Variants in RPTOR observed in about 807,000 individuals in gnomAD.
The protein encoded by RPTOR is regulatory associated protein of MTOR complex 1.
RPTOR carries 21 observed loss-of-function variants against 169.9 expected under a neutral mutation model. The ratio of observed to expected loss-of-function variants is 0.12; its 90% CI spans 0.09 to 0.18. RPTOR has a LOEUF of 0.18. RPTOR is among the 10% of genes least tolerant of loss of function. The probability of loss-of-function intolerance (pLI) is 1.00; values close to 1 mark genes in which losing one functional copy is unlikely to be tolerated. For missense variants in RPTOR, 1,133 were observed against 1,855.9 expected (o/e 0.61, Z 7.16); for synonymous variants, 732 against 753.2 (o/e 0.97, Z 0.46).
chr17:80,678,844 C>G (rs1435021609), intron 3 of RPTOR, among the ~76,000 whole-genome samples: 1 of 152,210 alleles, frequency 6.6e-6, no homozygotes. Flanking sequence ...TTGGGGCCCT[C>G]CAGAGATGCT....
rs1045594 is a variant in RPTOR at position 80,965,547 on chromosome 17, C to T, written c.*1217C>T. ...TTTTGAAAAGTGTTCTTTCCGTGTT[C>T]GTCGGGAATCAGGATTATTGAGAGG... On this transcript the variant is annotated 3_prime_UTR_variant, in exon 34 of 34. Transcript: ENST00000306801. 1,338 of 233,344 alleles carry T rather than the reference C, an allele frequency of 5.7e-3. 24 individuals carry two copies. Among genetic ancestry groups the T allele is most frequent in the African/African-American group, 0.028 (1,261 of 45,474 alleles). The allele number at this position is 233,344 out of a possible 1,614,324, so 14.5% of individuals were successfully genotyped here. A position where few individuals can be genotyped will look rare whatever the true frequency, so the allele number is the denominator to read the frequency against.
At chr17:80,610,933 A>AT (rs1426040177) in intron 1 of RPTOR, among the ~76,000 whole-genome samples, 40 of 152,306 alleles carry the variant, frequency 2.6e-4, no homozygotes, top group Middle Eastern at 3.4e-3. Context: ...GTGCAGATAT[A>AT]TGTGCAGTCT....
chr17:80,828,001 G>A (rs577377280), intron 9 of RPTOR, among the ~76,000 whole-genome samples: 52 of 152,332 alleles, frequency 3.4e-4, no homozygotes, highest in Middle Eastern at 3.4e-3. Flanking sequence ...CTGACTTAGC[G>A]GCGTACGTGC....
chr17:80,936,289 T>C lies in RPTOR; in HGVS notation c.2920-4207T>C, dbSNP rs1319821580. Among the ~76,000 whole-genome samples the C allele has an allele frequency of 6.6e-6, 1 of 152,182 alleles. No homozygotes were observed. Among genetic ancestry groups the C allele is most frequent in the Non-Finnish European group, 1.5e-5 (1 of 68,028 alleles). The stretch of plus-strand genomic sequence containing the variant: ...GATGCTACAGACACCTTGGAAAAGG[T>C]TGTCAGTTTCTTACAAAGTTAAACG... On this transcript the variant is annotated intron_variant, in intron 24 of 33. Coordinates refer to ENST00000306801, the MANE Select transcript of RPTOR (RefSeq NM_020761.3). This position sits in a 1 kb window ranked among gnomAD's most constrained non-coding sequence, Gnocchi z 4.1.
chr17:80,805,258 C>T (rs1001548001), intron 7 of RPTOR: 2 of 152,390 alleles, frequency 1.3e-5, no homozygotes, highest in Admixed American at 1.3e-4. Flanking sequence ...GAGCTCCACG[C>T]CCCATCCTGG....
intron 6 of RPTOR, among the ~76,000 whole-genome samples, chr17:80,769,478 G>A (rs750031850): frequency 1.8e-4 from 27 of 152,184 alleles, no homozygotes; most frequent in Non-Finnish European, 3.5e-4. Context: ...GAACTTCTGA[G>A]TTCCCATCCT....
intron 3 of RPTOR, among the ~76,000 whole-genome samples, chr17:80,685,572 C>G (rs868484456): frequency 8.2e-6 from 1 of 122,188 alleles, no homozygotes; most frequent in East Asian, 2.4e-4. Context: ...CTGTGCCTGG[C>G]TAATATTTTT....
chr17:80,761,366 C>G (rs2066734776), intron 6 of RPTOR, among the ~76,000 whole-genome samples: 1 of 152,174 alleles, frequency 6.6e-6, no homozygotes, highest in Non-Finnish European at 1.5e-5. Context: ...AAACTTACTT[C>G]CTTTCTTTCA....
In RPTOR at chr17:80,794,826, G is replaced by A. The variant is rs968247789; in HGVS notation, c.890+3317G>A. 2.0e-5 allele frequency among the ~76,000 whole-genome samples: 3 copies of A among 152,324 alleles called. No homozygotes were observed. The East Asian group carries it at 5.8e-4, about 29-fold the overall frequency. On this transcript the variant is annotated intron_variant, in intron 7 of 33. Transcript: ENST00000306801. ...CATCTCCAAGGGTGGCGCATGGTCC[G>A]ATTCCCTTTCTGTGACCTTCTGGGA...
chr17:80,877,437 TATA>T (rs2068133489), intron 13 of RPTOR, among the ~76,000 whole-genome samples: 5 of 152,224 alleles, frequency 3.3e-5, no homozygotes, highest in Non-Finnish European at 7.3e-5. Context: ...CATCTGGTAG[TATA>T]CACCACATAG....
At chr17:80,859,259 CT>C (rs1185548572) in intron 13 of RPTOR, among the ~76,000 whole-genome samples, 2 of 152,242 alleles carry the variant, frequency 1.3e-5, no homozygotes, top group Non-Finnish European at 2.9e-5. Context: ...TGCGGGAGAA[CT>C]CTCGAAAGCT....
Position 80,957,661 on chromosome 17 carries a change from C to A in RPTOR, c.3408C>A (p.Gly1136=). 1.2e-6 allele frequency: 2 copies of A among 1,614,146 alleles called. No homozygotes were observed. The highest frequency in any genetic ancestry group is 8.5e-7 in the Non-Finnish European group (1 of 1,180,016). ...TGGTGGACTGGGAGCAGGAGACCGG[C>A]CTCCTCATGAGCTCAGGAGACGTGC... ...GMVVDWEQET[G]LLMSSGDVRI... is the part of the protein sequence containing the mutation. Residue 1136 remains glycine (G), a synonymous_variant, in exon 29 of 34, where the codon GGC becomes GGA. Transcript: ENST00000306801. This position sits in a 1 kb window ranked among gnomAD's most constrained non-coding sequence, Gnocchi z 4.6.
rs373588853 is a variant in RPTOR, at chr17:80,930,975, T to C, written c.2919+5495T>C. Among the ~76,000 whole-genome samples the C allele has an allele frequency of 5.3e-5, 8 of 152,378 alleles. No individual in the cohort carries two copies. The South Asian group carries it at 1.0e-3, about 20-fold the overall frequency. On this transcript the variant is annotated intron_variant, in intron 24 of 33. Coordinates refer to ENST00000306801, the MANE Select transcript of RPTOR (RefSeq NM_020761.3). The stretch of plus-strand genomic sequence containing the variant: ...TCAGCCAAGTCAGACAGGCTTGTTT[T>C]AGAGAACACTGTGATTATTCAGTGT...
chr17:80,893,960 G>T, intron 20 of RPTOR, 95 bp downstream of exon 20: 1 of 1,251,788 alleles, frequency 8.0e-7, no homozygotes, highest in Non-Finnish European at 1.1e-6. Context: ...AGGTCAGTGG[G>T]TGTCAAAACT....
At position 80,545,463 on chromosome 17, in the gene RPTOR, G is replaced by C. The variant is rs1310917068; in HGVS notation, c.-167G>C. ...ACTTCCCGCTCAGAGTTAGAGATAA[G>C]GATCTCAGACTTTTGCCTGAGTAAG... On this transcript the variant is annotated 5_prime_UTR_variant, in exon 1 of 34. Coordinates refer to ENST00000306801, the MANE Select transcript of RPTOR (RefSeq NM_020761.3). 1.3e-5 allele frequency: 7 copies of C among 531,552 alleles called. No homozygotes were observed. The highest frequency in any genetic ancestry group is 2.3e-5 in the Non-Finnish European group (7 of 302,024). The allele number at this position is 531,552 out of a possible 1,614,324, so 32.9% of individuals were successfully genotyped here.
chr17:80,875,583 A>G (rs903590051), intron 13 of RPTOR, among the ~76,000 whole-genome samples: 20 of 152,182 alleles, frequency 1.3e-4, no homozygotes, highest in Non-Finnish European at 2.2e-4. Context: ...GCACAGCAAG[A>G]TGGAGCCTGT....
chr17:80,675,594 C>T (rs1464043779), intron 3 of RPTOR, among the ~76,000 whole-genome samples: 1 of 152,248 alleles, frequency 6.6e-6, no homozygotes, highest in Non-Finnish European at 1.5e-5. Flanking sequence ...TTGGGCGTTG[C>T]CTCCTGCCCC....
chr17:80,930,448 TCAGCTCATCCC>T (rs2068880683), intron 24 of RPTOR, among the ~76,000 whole-genome samples: 2 of 2,152 alleles, frequency 9.3e-4, no homozygotes, highest in African/African-American at 2.1e-3. Flanking sequence ...CAGCTCATCC[TCAGCTCATCCC>T]CAGCTCATCC....
At chr17:80,626,202 G>A (rs1277249305) in intron 2 of RPTOR, among the ~76,000 whole-genome samples, 2 of 151,992 alleles carry the variant, frequency 1.3e-5, no homozygotes, top group South Asian at 2.1e-4. Context: ...ACAGGCACCC[G>A]CCAACACACC....
Sources: gnomAD v4.1 joint callset for allele counts (sites outside exome capture counted in the v4.1 genomes callset) on GRCh38, gnomAD v4.1.1 for gene constraint, Gnocchi (gnomAD v3.1) non-coding constraint, MANE v1.5 for transcripts, NCBI Gene and HGNC (gene_info 2026-07-23, HGNC 2026-07-21) for gene names.